AKAP12: variants seen among roughly 807,000 people sequenced by gnomAD.
AKAP12 encodes the protein A-kinase anchor protein 12.
In AKAP12, 32 loss-of-function variants were observed where a neutral mutation model predicts 79.9. The observed-to-expected ratio is 0.40, with a 90% CI of 0.30 to 0.54. The LOEUF (loss-of-function observed/expected upper bound fraction) is 0.54, where lower values mean the gene tolerates loss of function less well. AKAP12 is among the 20% of genes least tolerant of loss of function. AKAP12 has a pLI of 0.48. For synonymous variants in AKAP12, 808 were observed against 857.0 expected (o/e 0.94, Z 1.00); for missense variants, 2,074 against 2,177.0 (o/e 0.95, Z 0.94).
At chr6:151,286,377 C>G (rs1027057701) in intron 2 of AKAP12, among the ~76,000 whole-genome samples, 1 of 152,192 alleles carries the variant, frequency 6.6e-6, no homozygotes, top group Non-Finnish European at 1.5e-5. Flanking sequence ...CACATACGTT[C>G]TACTTTGCTT....
At chr6:151,269,762 T>G (rs1262913696) in intron 2 of AKAP12, among the ~76,000 whole-genome samples, 2 of 152,198 alleles carry the variant, frequency 1.3e-5, no homozygotes, top group Non-Finnish European at 2.9e-5. Context: ...AATTCACCAT[T>G]TAAAGAGTAC....
intron 3 of AKAP12, among the ~76,000 whole-genome samples, chr6:151,333,030 C>A (rs1029511340): frequency 2.6e-5 from 4 of 152,136 alleles, no homozygotes; most frequent in Non-Finnish European, 5.9e-5. Context: ...TTTAGGGGCA[C>A]CAAAAAGTAC....
chr6:151,357,357 C>T lies in AKAP12; in HGVS notation c.*1643C>T, dbSNP rs1778468816. 1 of 152,148 alleles carries T rather than the reference C, an allele frequency of 6.6e-6. No homozygotes were observed. The highest frequency in any genetic ancestry group is 1.5e-5 in the Non-Finnish European group (1 of 68,048). 9.4% of individuals were successfully genotyped at this position (152,148 alleles called of 1,614,324 possible). On this transcript the variant is annotated 3_prime_UTR_variant, in exon 5 of 5. Transcript: ENST00000402676. ...AATTGTCACACGAAGAATAGTGTCA[C>T]TTATCTACTCTTGACACACAGAACT... is the stretch of plus-strand genomic sequence containing the variant.
At chr6:151,286,595 T>C (rs1776509702) in intron 2 of AKAP12, among the ~76,000 whole-genome samples, 1 of 152,268 alleles carries the variant, frequency 6.6e-6, no homozygotes, top group South Asian at 2.1e-4. Context: ...TCTATACTTC[T>C]TGAAATCATT....
chr6:151,242,790 G>T (rs976143128), intron 2 of AKAP12, among the ~76,000 whole-genome samples: 3 of 152,218 alleles, frequency 2.0e-5, no homozygotes, highest in African/African-American at 4.8e-5. Flanking sequence ...CAGGGAACAC[G>T]CCTGGTTGTG....
chr6:151,342,988 C>G (rs1777992047), intron 3 of AKAP12, among the ~76,000 whole-genome samples: 1 of 152,186 alleles, frequency 6.6e-6, no homozygotes, highest in Admixed American at 6.5e-5. Flanking sequence ...GTCTTGAACT[C>G]CTGACCTCAA....
At chr6:151,308,022 G>A (rs541046571) in intron 3 of AKAP12, among the ~76,000 whole-genome samples, 15 of 149,922 alleles carry the variant, frequency 1.0e-4, no homozygotes, top group South Asian at 4.3e-4. Context: ...TAGCTGGGAC[G>A]TGCCACCACA....
rs1331230591 is a variant in AKAP12, at chr6:151,348,611, C to T, written c.320-100C>T. 4 of 885,940 alleles carry T rather than the reference C, an allele frequency of 4.5e-6. No individual in the cohort carries two copies. In the Admixed American group the frequency reaches 1.1e-4, roughly 24 times the overall value. 54.9% of individuals were successfully genotyped at this position (885,940 alleles called of 1,614,324 possible). ...CCGAGACCACACCACTGCCCTCCAG[C>T]CGGGGCAAGAGAGTGAGGCCCTGTC... On this transcript the variant is annotated intron_variant, in intron 3 of 4. Coordinates refer to ENST00000402676, the MANE Select transcript of AKAP12 (RefSeq NM_005100.4).
chr6:151,325,759 C>T (rs773095737), intron 3 of AKAP12: 1 of 1,597,918 alleles, frequency 6.3e-7, no homozygotes, highest in Non-Finnish European at 8.5e-7. Flanking sequence ...CGCTCTGATC[C>T]CGCCGAAACC....
intron 2 of AKAP12, among the ~76,000 whole-genome samples, chr6:151,265,704 T>G (rs948389898): frequency 2.0e-5 from 3 of 152,214 alleles, no homozygotes; most frequent in Admixed American, 6.5e-5. Context: ...TAACAGTACA[T>G]GCAAAGGTAT....
chr6:151,269,149 A>G (rs902340803), intron 2 of AKAP12, among the ~76,000 whole-genome samples: 15 of 151,710 alleles, frequency 9.9e-5, no homozygotes, highest in African/African-American at 3.4e-4. Context: ...GGACAGTTGA[A>G]TGTAGACAGT....
chr6:151,262,138 A>T (rs928661376), intron 2 of AKAP12, among the ~76,000 whole-genome samples: 4 of 151,870 alleles, frequency 2.6e-5, no homozygotes, highest in African/African-American at 9.7e-5. Context: ...TTTAGTAGAG[A>T]TGGGGTTTCT....
intron 3 of AKAP12, among the ~76,000 whole-genome samples, chr6:151,307,299 G>T (rs567712071): frequency 1.2e-3 from 189 of 152,324 alleles, no homozygotes; most frequent in African/African-American, 4.4e-3. Flanking sequence ...CAGATCAGCA[G>T]ATTCCAAAAC....
chr6:151,323,343 G>T (rs1458968158), intron 3 of AKAP12, among the ~76,000 whole-genome samples: 1 of 152,178 alleles, frequency 6.6e-6, no homozygotes, highest in Non-Finnish European at 1.5e-5. Context: ...CTGAGGTCAG[G>T]AGTTCAAGAC....
intron 3 of AKAP12, among the ~76,000 whole-genome samples, chr6:151,320,515 C>T (rs1441989850): frequency 3.9e-5 from 6 of 152,086 alleles, no homozygotes; most frequent in Admixed American, 3.9e-4. Context: ...CCCTCATTGC[C>T]CCTAATCCCT....
chr6:151,355,961 T>C lies in AKAP12; in HGVS notation c.*247T>C, dbSNP rs1005525911. Reference sequence around the variant, plus strand: ...ACCTACAATTTTCCCTTGATAACCATATAAATTCTGATTTAAGGTCCTAAA... The same window carrying C: ...ACCTACAATTTTCCCTTGATAACCACATAAATTCTGATTTAAGGTCCTAAA... On this transcript the variant is annotated 3_prime_UTR_variant, in exon 5 of 5. Transcript: ENST00000402676. 9 of 152,608 alleles carry C rather than the reference T, an allele frequency of 5.9e-5. No homozygotes were observed. Among genetic ancestry groups the C allele is most frequent in the African/African-American group, 2.2e-4 (9 of 41,444 alleles). The allele number at this position is 152,608 out of a possible 1,614,324, so 9.5% of individuals were successfully genotyped here.
intron 2 of AKAP12, among the ~76,000 whole-genome samples, chr6:151,280,040 T>TG (rs1007622886): frequency 4.9e-5 from 6 of 123,018 alleles, no homozygotes; most frequent in African/African-American, 1.4e-4. Flanking sequence ...CGGTTGTTGT[T>TG]TTTTTTTTTT....
intron 3 of AKAP12, among the ~76,000 whole-genome samples, chr6:151,317,973 A>G (rs1007801891): frequency 1.6e-4 from 24 of 152,238 alleles, no homozygotes; most frequent in Non-Finnish European, 2.9e-4. Context: ...TTTGCTCTCA[A>G]GCAGCCTCCT....
chr6:151,349,664 G>C lies in AKAP12; in HGVS notation c.1273G>C (p.Glu425Gln), dbSNP rs777074227. ...VVAEVHVSTV[E>Q]ERTEEQKTEV... ...GGCCGAAGTCCACGTCAGCACCGTG[G>C]AGGAGAGAACCGAAGAGCAGAAAAC... Residue 425 changes from glutamate to glutamine, a missense_variant, in exon 4 of 5, where the codon GAG (glutamate) becomes CAG (glutamine). Physicochemically the swap from Glu to Gln is conservative, Grantham distance 29. Coordinates refer to ENST00000402676, the MANE Select transcript of AKAP12 (RefSeq NM_005100.4). The C allele has an allele frequency of 8.1e-6, 13 of 1,613,984 alleles. No homozygotes were observed. In the South Asian group the frequency reaches 1.4e-4, roughly 18 times the overall value.
Sources: gnomAD v4.1 joint callset for allele counts (sites outside exome capture counted in the v4.1 genomes callset) on GRCh38, gnomAD v4.1.1 for gene constraint, MANE v1.5 for transcripts, NCBI Gene and HGNC (gene_info 2026-07-23, HGNC 2026-07-21) for gene names.